Variants in CA1 observed in about 807,000 individuals in gnomAD.
The protein encoded by CA1 is carbonate dehydratase I.
A neutral mutation model predicts 28.8 loss-of-function variants in CA1; 27 were observed. The observed-to-expected ratio is 0.94, with a 90% CI of 0.69 to 1.29. The LOEUF (loss-of-function observed/expected upper bound fraction) is 1.29. CA1 is among the 50% of genes most tolerant of loss of function. CA1 has a pLI of 0.00. For synonymous variants in CA1, 121 were observed against 108.8 expected (o/e 1.11, Z -0.70); for missense variants, 335 against 310.5 (o/e 1.08, Z -0.59).
At chr8:85,368,193 G>A (rs7820842) in intron 1 of CA1, among the ~76,000 whole-genome samples, 3,837 of 151,782 alleles carry the variant, frequency 0.025, 172 homozygotes, top group African/African-American at 0.088. Context: ...TTTTGAGGCA[G>A]AGTCTCACTC....
chr8:85,339,809 A>C (rs1404679380), intron 2 of CA1, among the ~76,000 whole-genome samples: 1 of 152,258 alleles, frequency 6.6e-6, no homozygotes, highest in African/African-American at 2.4e-5. Flanking sequence ...TCTGGATAGA[A>C]GATCAAAAAC....
At chr8:85,344,140 T>TAA (rs1056348876) in intron 1 of CA1, among the ~76,000 whole-genome samples, 3 of 137,860 alleles carry the variant, frequency 2.2e-5, no homozygotes, top group Non-Finnish European at 4.6e-5. Flanking sequence ...TTTATATATA[T>TAA]AATTATATAT....
chr8:85,357,344 C>T (rs1809641274), intron 1 of CA1, among the ~76,000 whole-genome samples: 1 of 152,180 alleles, frequency 6.6e-6, no homozygotes, highest in Admixed American at 6.5e-5. Context: ...TAGGCCTGAA[C>T]ACCTGATCTA....
chr8:85,361,782 G>A (rs1809805439), intron 1 of CA1, among the ~76,000 whole-genome samples: 2 of 152,182 alleles, frequency 1.3e-5, no homozygotes, highest in South Asian at 4.1e-4. Flanking sequence ...ACTCCATGTG[G>A]ATTGCACCTC....
At chr8:85,372,201 G>A (rs1353485892) in intron 1 of CA1, among the ~76,000 whole-genome samples, 3 of 152,018 alleles carry the variant, frequency 2.0e-5, no homozygotes, top group Non-Finnish European at 4.4e-5. Context: ...GTTCAGACGC[G>A]AGCACAGAGA....
intron 3 of CA1, 141 bp from the exon 4 acceptor site, chr8:85,337,204 C>A: frequency 1.4e-6 from 1 of 691,410 alleles, no homozygotes; most frequent in Non-Finnish European, 2.7e-6. Flanking sequence ...CTTGTTTTCC[C>A]CCACATCCAT....
At chr8:85,363,324 C>T (rs1224877491) in intron 1 of CA1, among the ~76,000 whole-genome samples, 1 of 152,142 alleles carries the variant, frequency 6.6e-6, no homozygotes, top group Non-Finnish European at 1.5e-5. Flanking sequence ...TTGAGGGCTC[C>T]GCTTGCTAAC....
intron 1 of CA1, among the ~76,000 whole-genome samples, chr8:85,377,191 A>T (rs1810453288): frequency 6.6e-6 from 1 of 152,204 alleles, no homozygotes. Flanking sequence ...AAAGTACAAG[A>T]GCATTTTCTT....
chr8:85,329,673 T>A lies in CA1; in HGVS notation c.669+16A>T. On this transcript the variant is annotated intron_variant, in intron 7 of 7. Transcript: ENST00000523022. ...CCTGCTACGCATTCCCAGTTCCCAT[T>A]CATTCACAACTCTACCTGCTCTGAG... The A allele has an allele frequency of 6.2e-7, 1 of 1,604,372 alleles. No homozygotes were observed. Among genetic ancestry groups the A allele is most frequent in the Non-Finnish European group, 8.5e-7 (1 of 1,172,718 alleles).
chr8:85,344,220 T>TACTTAATATATAATA lies in CA1; in HGVS notation c.-24-2562_-24-2561insTATTATATATTAAGT, dbSNP rs1564029421. On this transcript the variant is annotated intron_variant, in intron 1 of 7. Transcript: ENST00000523022. ...TTATACAGTATATAATATAATTATA[T>TACTTAATATATAATA]TATATACAGTATATAATATATAATT... 1.5e-3 allele frequency among the ~76,000 whole-genome samples: 92 copies of TACTTAATATATAATA among 61,234 alleles called. 1 individual carries two copies. Among genetic ancestry groups the TACTTAATATATAATA allele is most frequent in the African/African-American group, 9.3e-3 (89 of 9,600 alleles). The allele number at this position is 61,234 out of a possible 152,430, so 40.2% of individuals were successfully genotyped here.
At chr8:85,362,191 G>A (rs554077054) in intron 1 of CA1, among the ~76,000 whole-genome samples, 3 of 152,256 alleles carry the variant, frequency 2.0e-5, no homozygotes, top group South Asian at 2.1e-4. Flanking sequence ...AAAGCGAGCA[G>A]TATAAAATCT....
chr8:85,374,512 A>T (rs1160296692), intron 1 of CA1, among the ~76,000 whole-genome samples: 1 of 152,184 alleles, frequency 6.6e-6, no homozygotes, highest in African/African-American at 2.4e-5. Context: ...TCATCAAAAA[A>T]ATTTTGTAAC....
At position 85,336,521 on chromosome 8, in the gene CA1, G is replaced by A. The variant is rs561589623; in HGVS notation, c.354+424C>T. ...TGTGACCATTGCTGTGGTTAAATTC[G>A]AGCTCTTAGTAGAGTCTCATTGAAT... On this transcript the variant is annotated intron_variant, in intron 4 of 7. Coordinates refer to ENST00000523022, the MANE Select transcript of CA1 (RefSeq NM_001128831.4). Among the ~76,000 whole-genome samples the A allele has an allele frequency of 1.6e-3, 245 of 152,218 alleles. 1 individual carries two copies. The highest frequency in any genetic ancestry group is 2.6e-3 in the Non-Finnish European group (180 of 68,014).
chr8:85,377,926 T>C (rs1266998896), intron 1 of CA1, 120 bp downstream of exon 1: 1 of 152,236 alleles, frequency 6.6e-6, no homozygotes, highest in East Asian at 1.9e-4. Flanking sequence ...CTTTCATTCA[T>C]TGAATAGTAA....
chr8:85,366,036 T>C (rs756106904), intron 1 of CA1, among the ~76,000 whole-genome samples: 1 of 152,258 alleles, frequency 6.6e-6, no homozygotes, highest in East Asian at 1.9e-4. Flanking sequence ...CCTTTGCCAA[T>C]GTCCTATGTA....
intron 1 of CA1, among the ~76,000 whole-genome samples, chr8:85,349,066 T>C (rs528281860): frequency 6.6e-6 from 1 of 152,326 alleles, no homozygotes; most frequent in South Asian, 2.1e-4. Context: ...ATAAATGGAA[T>C]GATTACAAGT....
chr8:85,334,446 T>G (rs1808553023), intron 4 of CA1, among the ~76,000 whole-genome samples: 1 of 152,232 alleles, frequency 6.6e-6, no homozygotes, highest in African/African-American at 2.4e-5. Context: ...GGCAGACTTT[T>G]GTCTTGAATT....
chr8:85,329,807 G>A lies in CA1; in HGVS notation c.551C>T (p.Thr184Ile), dbSNP rs1039780828. 6.2e-7 allele frequency: 1 copy of A among 1,600,646 alleles called. No individual in the cohort carries two copies. Residue 184 changes from threonine to isoleucine, a missense_variant, in exon 7 of 8, where the codon ACT (threonine) becomes ATT (isoleucine). Thr to Ile is a moderately conservative substitution (Grantham distance 89, BLOSUM62 -1). Transcript: ENST00000523022. ...GAAATCCAGGGATGAAGGAAGGAGA[G>A]TAGAGGGGTCAAAATTTGTGAATGG... ...RAPFTNFDPS[T>I]LLPSSLDFWT...
chr8:85,364,096 C>T (rs1809914936), intron 1 of CA1, among the ~76,000 whole-genome samples: 1 of 152,086 alleles, frequency 6.6e-6, no homozygotes, highest in Admixed American at 6.5e-5. Flanking sequence ...CCACCTTGGC[C>T]TCCCAAAATG....
Sources: allele counts gnomAD v4.1 joint callset (sites outside exome capture counted in the v4.1 genomes callset), GRCh38; gene constraint gnomAD v4.1.1; transcripts MANE v1.5; gene names NCBI Gene and HGNC (gene_info 2026-07-23, HGNC 2026-07-21).